Variants in CCDC88C observed in about 807,000 individuals in gnomAD.
The protein encoded by CCDC88C is protein Daple.
In CCDC88C, 131 loss-of-function variants were observed where a neutral mutation model predicts 198.8. That is an observed-to-expected ratio of 0.66 (90% CI 0.57 to 0.76). The LOEUF is 0.76. CCDC88C is among the 30% of genes least tolerant of loss of function. The pLI is 0.00. For synonymous variants in CCDC88C, 1,166 were observed against 1,114.7 expected, an observed-to-expected ratio of 1.05 and a Z score of -0.92; for missense variants, 2,553 against 2,631.6, an observed-to-expected ratio of 0.97 and a Z score of 0.65.
chr14:91,408,693 G>C lies in CCDC88C; in HGVS notation c.236C>G (p.Thr79Ser). The change falls in exon 3 of 30, where the codon ACC becomes AGC. Residue 79 changes from threonine (T) to serine (S), a missense_variant. By Grantham distance (58) the Thr-to-Ser change is moderately conservative. Coordinates refer to ENST00000389857, the MANE Select transcript of CCDC88C (RefSeq NM_001080414.4). ...GGTCTTAATGTTTCTCACCAAGATG[G>C]TCAAATTCTGAATGCGAAGGTTCAC... ...NDVNLRIQNL[T>S]ILVRNIKTYY... 1 of 1,613,468 alleles carries C rather than the reference G, an allele frequency of 6.2e-7. No homozygotes were observed. The highest frequency in any genetic ancestry group is 8.5e-7 in the Non-Finnish European group (1 of 1,179,422).
intron 4 of CCDC88C, 97 bp downstream of exon 4, chr14:91,359,545 G>T: frequency 1.1e-6 from 1 of 916,516 alleles, no homozygotes; most frequent in Non-Finnish European, 1.8e-6. Context: ...TCACTGTGCT[G>T]GCCCAAGCTG....
intron 3 of CCDC88C, among the ~76,000 whole-genome samples, chr14:91,374,938 G>C (rs1884302095): frequency 6.6e-6 from 1 of 152,222 alleles, no homozygotes; most frequent in Non-Finnish European, 1.5e-5. Flanking sequence ...AGCCAGGAAT[G>C]AAGATGTGGT....
Position 91,399,501 on chromosome 14 carries a change from A to G in CCDC88C, c.270+9158T>C, listed in dbSNP as rs115700402. The stretch of plus-strand genomic sequence containing the variant: ...CTCCCAACACCTGTGCATTCTCCAA[A>G]TGGGAGCAGGAGTTTTCTTTCCTAA... On this transcript the variant is annotated intron_variant, in intron 3 of 29. Transcript: ENST00000389857. 9.8e-3 allele frequency among the ~76,000 whole-genome samples: 1,485 copies of G among 152,150 alleles called. 26 individuals are homozygous for G. The highest frequency in any genetic ancestry group is 0.034 in the African/African-American group (1,429 of 41,508).
intron 5 of CCDC88C, among the ~76,000 whole-genome samples, chr14:91,343,319 G>A (rs951166015): frequency 6.6e-6 from 1 of 152,166 alleles, no homozygotes; most frequent in African/African-American, 2.4e-5. Flanking sequence ...GCTGTAGTTT[G>A]CAGATCCTTG....
At chr14:91,416,947 G>C (rs117399299) in intron 1 of CCDC88C, 109 bp from the exon 2 acceptor site, 19 of 749,976 alleles carry the variant, frequency 2.5e-5, no homozygotes, top group Middle Eastern at 2.4e-4. Flanking sequence ...GCAGAAGGGG[G>C]TCACCCACGC....
chr14:91,313,408 A>C lies in CCDC88C; in HGVS notation c.2408T>G (p.Leu803Arg). Residue 803 changes from leucine (L) to arginine (R), a missense_variant, in exon 15 of 30, where the codon CTG becomes CGG. Leu to Arg is a moderately radical substitution (Grantham distance 102). Coordinates refer to ENST00000389857, the MANE Select transcript of CCDC88C (RefSeq NM_001080414.4). The surrounding 1 kb of genome is among the most constrained non-coding windows in gnomAD (Gnocchi z 5.2). ...TGCATTGGCCAGCCGGAGGGCCTCC[A>C]GGTCCCGCCGCAGCGCCTGGCGCTC... Reference protein sequence around the residue: ...EAERQALRRDLEALRLANAQL... With the variant: ...EAERQALRRDREALRLANAQL... The C allele has an allele frequency of 1.2e-6, 2 of 1,607,604 alleles. No homozygotes were observed. The highest frequency in any genetic ancestry group is 1.7e-6 in the Non-Finnish European group (2 of 1,179,578).
Position 91,349,256 on chromosome 14 carries a change from A to G in CCDC88C, c.341-5599T>C, listed in dbSNP as rs370139566. Among the ~76,000 whole-genome samples the G allele has an allele frequency of 2.6e-5, 4 of 152,322 alleles. No homozygotes were observed. The East Asian group carries it at 7.7e-4, about 29-fold the overall frequency. ...ATGGGAACCCGGGAAAGGAACTTCT[A>G]ATTTGCAGCAAGGCCCAGGGCAAGG... On this transcript the variant is annotated intron_variant, in intron 4 of 29. Coordinates refer to ENST00000389857, the MANE Select transcript of CCDC88C (RefSeq NM_001080414.4).
intron 22 of CCDC88C, 50 bp from the exon 23 acceptor site, chr14:91,294,368 C>A (rs1462233599): frequency 6.3e-7 from 1 of 1,599,400 alleles, no homozygotes; most frequent in East Asian, 2.2e-5. Flanking sequence ...CCGGTGTTCC[C>A]ACTGCTGGGA....
chr14:91,290,979 A>C lies in CCDC88C; in HGVS notation c.4202+16T>G, dbSNP rs367962388. The C allele has an allele frequency of 1.2e-4, 176 of 1,481,848 alleles. 3 individuals carry two copies. The African/African-American group carries it at 2.1e-3, about 18-fold the overall frequency. The allele number at this position is 1,481,848 out of a possible 1,614,324, so 91.8% of individuals were successfully genotyped here. A position where few individuals can be genotyped will look rare whatever the true frequency, so the allele number is the denominator to read the frequency against. On this transcript the variant is annotated intron_variant, in intron 24 of 29. Transcript: ENST00000389857. ...TTAAGTTCTGTCTTTATGCCACTAC[A>C]CTTAAATCAACTCACTTCTTTGGAG... is the stretch of plus-strand genomic sequence containing the variant.
At chr14:91,336,412 G>A (rs1048857636) in intron 10 of CCDC88C, among the ~76,000 whole-genome samples, 3 of 152,190 alleles carry the variant, frequency 2.0e-5, no homozygotes, top group African/African-American at 7.2e-5. Flanking sequence ...TGGGAGTCAC[G>A]TTCCATCCAT....
At position 91,338,559 on chromosome 14, in the gene CCDC88C, G is replaced by A. The variant is rs1324937983; in HGVS notation, c.821C>T (p.Thr274Ile). The change falls in exon 9 of 30, where the codon ACA becomes ATA. Residue 274 changes from threonine to isoleucine, a missense_variant. By Grantham distance (89) the Thr-to-Ile change is moderately conservative (BLOSUM62 -1). Transcript: ENST00000389857. The surrounding 1 kb of genome is among the most constrained non-coding windows in gnomAD (Gnocchi z 4.8). ...ATGTCTGGTGTCCACAAGCTGCTCTGTCTTATCCTCCCTGCAGAGGCAGTA... is the reference window on the plus strand; with the variant it reads ...ATGTCTGGTGTCCACAAGCTGCTCTATCTTATCCTCCCTGCAGAGGCAGTA... ...RRVRQELEDK[T>I]EQLVDTRHEV... 4.5e-6 allele frequency: 7 copies of A among 1,565,184 alleles called. No individual in the cohort carries two copies. The highest frequency in any genetic ancestry group is 1.7e-4 in the Middle Eastern group (1 of 6,018).
chr14:91,314,120 G>C lies in CCDC88C; in HGVS notation c.1696C>G (p.Leu566Val). The C allele has an allele frequency of 3.7e-6, 6 of 1,612,718 alleles. No individual in the cohort carries two copies. Among genetic ancestry groups the C allele is most frequent in the Non-Finnish European group, 5.1e-6 (6 of 1,179,528 alleles). Residue 566 changes from leucine to valine, a missense_variant, in exon 15 of 30, where the codon CTC (leucine) becomes GTC (valine). By Grantham distance (32) the Leu-to-Val change is conservative. Transcript: ENST00000389857. ...IKDLEQEKDH[L>V]NRAMWSLRER... ...CGCAGCGACCACATGGCTCGGTTGA[G>C]GTGGTCCTTTTCCTGCTCAAGGTCC...
chr14:91,315,864 C>G, intron 13 of CCDC88C, 77 bp from the exon 14 acceptor site: 1 of 1,498,082 alleles, frequency 6.7e-7, no homozygotes, highest in Non-Finnish European at 9.1e-7. Flanking sequence ...AAAACAGAAA[C>G]CACCCCAACA....
In CCDC88C at chr14:91,360,068, T is replaced by A. The variant is rs558721919; in HGVS notation, c.271-357A>T. 2.6e-5 allele frequency among the ~76,000 whole-genome samples: 4 copies of A among 152,298 alleles called. No homozygotes were observed. In the South Asian group the frequency reaches 8.3e-4, roughly 32 times the overall value. On this transcript the variant is annotated intron_variant, in intron 3 of 29. Transcript: ENST00000389857. ...AATAGATGACATGCTAGGACAGCAGTATGATGTTTCTTTTTTAAAAGATAC... is the reference window on the plus strand; with the variant it reads ...AATAGATGACATGCTAGGACAGCAGAATGATGTTTCTTTTTTAAAAGATAC...
In CCDC88C at chr14:91,283,288, T is replaced by G. The variant is rs371149133; in HGVS notation, c.4630+41A>C. On this transcript the variant is annotated intron_variant, in intron 26 of 29. Coordinates refer to ENST00000389857, the MANE Select transcript of CCDC88C (RefSeq NM_001080414.4). ...AGCCTGGGGTCTTCAGGAAGGACACTAGGCCCGACGCTCATGGCTCTGGAA... is the reference window on the plus strand; with the variant it reads ...AGCCTGGGGTCTTCAGGAAGGACACGAGGCCCGACGCTCATGGCTCTGGAA... The G allele has an allele frequency of 9.7e-5, 155 of 1,591,468 alleles. No homozygotes were observed. In the African/African-American group the frequency reaches 2.0e-3, roughly 20 times the overall value.
In CCDC88C at chr14:91,325,897, C is replaced by T. The variant is rs139124704; in HGVS notation, c.1197+13G>A. On this transcript the variant is annotated intron_variant, in intron 11 of 29. Transcript: ENST00000389857. The surrounding 1 kb of genome is among the most constrained non-coding windows in gnomAD (Gnocchi z 4.1). ...ATCTGTTTTCAATGTAGTAACAACA[C>T]AGCCTGCAGTACCAATTCCAGGTCG... The T allele has an allele frequency of 8.9e-4, 1,377 of 1,549,068 alleles. 5 individuals carry two copies. The African/African-American group carries it at 0.017, about 19-fold the overall frequency.
Position 91,309,640 on chromosome 14 carries a change from T to C in CCDC88C, c.2864+219A>G, listed in dbSNP as rs1209672658. ...AAAAAAAAAAAAAATTAAGAAGCTTTTTCATCAGACAAAATCTCCTTCCAC... is the reference window on the plus strand; with the variant it reads ...AAAAAAAAAAAAAATTAAGAAGCTTCTTCATCAGACAAAATCTCCTTCCAC... On this transcript the variant is annotated intron_variant, in intron 16 of 29. Transcript: ENST00000389857. Among the ~76,000 whole-genome samples, 4 of 151,810 alleles carry C rather than the reference T, an allele frequency of 2.6e-5. No individual in the cohort carries two copies. The East Asian group carries it at 7.7e-4, about 29-fold the overall frequency.
At chr14:91,391,544 C>T (rs184446664) in intron 3 of CCDC88C, among the ~76,000 whole-genome samples, 2 of 152,172 alleles carry the variant, frequency 1.3e-5, no homozygotes, top group African/African-American at 4.8e-5. Context: ...TTTGGGAGGC[C>T]GAGGCGGGCA....
intron 25 of CCDC88C, chr14:91,285,484 AGT>A: frequency 4.3e-6 from 2 of 464,034 alleles, no homozygotes; most frequent in Non-Finnish European, 7.9e-6. Context: ...TGGTCCAGGG[AGT>A]GTGACAACTC....
Sources: allele counts gnomAD v4.1 joint callset (sites outside exome capture counted in the v4.1 genomes callset), GRCh38; gene constraint gnomAD v4.1.1; non-coding constraint Gnocchi (gnomAD v3.1); transcripts MANE v1.5; gene names NCBI Gene and HGNC (gene_info 2026-07-23, HGNC 2026-07-21).